PDE2A: variants seen among roughly 807,000 people sequenced by gnomAD.
PDE2A encodes phosphodiesterase 2A.
A neutral mutation model predicts 133.6 loss-of-function variants in PDE2A; 53 were observed. The ratio of observed to expected loss-of-function variants is 0.40; its 90% CI spans 0.32 to 0.50. The LOEUF (loss-of-function observed/expected upper bound fraction) is 0.50, where lower values mean the gene tolerates loss of function less well. Among genes scored for constraint, PDE2A ranks in the 20% least tolerant of loss-of-function variants. The pLI is 0.73. For synonymous variants in PDE2A, 491 were observed against 490.2 expected (o/e 1.00, Z -0.02); for missense variants, 796 against 1,232.4 (o/e 0.65, Z 5.30).
chr11:72,610,949 T>C (rs1383392750), intron 2 of PDE2A, among the ~76,000 whole-genome samples: 1 of 152,190 alleles, frequency 6.6e-6, no homozygotes, highest in Non-Finnish European at 1.5e-5. Flanking sequence ...TTCTGAAGAC[T>C]AAAAAGGGGA....
At position 72,586,127 on chromosome 11, in the gene PDE2A, G is replaced by C. The variant is rs764742125; in HGVS notation, c.1125C>G (p.Thr375=). ...GGAAGGCCAGGGTGCTGGTGAGCAC[G>C]GTGCTGGTGTAGTGGAAGCAGTGCT... is the stretch of plus-strand genomic sequence containing the variant. ...VIQHCFHYTS[T]VLTSTLAFQK... Residue 375 remains threonine (T), a synonymous_variant, in exon 14 of 31, where the codon ACC becomes ACG. Coordinates refer to ENST00000334456, the MANE Select transcript of PDE2A (RefSeq NM_002599.5). 11 of 1,613,100 alleles carry C rather than the reference G, an allele frequency of 6.8e-6. No individual in the cohort carries two copies. The South Asian group carries it at 1.2e-4, about 18-fold the overall frequency.
intron 2 of PDE2A, among the ~76,000 whole-genome samples, chr11:72,615,663 C>T (rs1857433520): frequency 6.6e-6 from 1 of 152,092 alleles, no homozygotes; most frequent in African/African-American, 2.4e-5. Context: ...TTCTGCTGCC[C>T]ACATTCTCCT....
At chr11:72,658,220 G>A (rs1854952666) in intron 1 of PDE2A, 2 of 430,244 alleles carry the variant, frequency 4.6e-6, no homozygotes, top group Non-Finnish European at 9.4e-6. Flanking sequence ...GGTGGGTGAG[G>A]GTTCTGGTCT....
At chr11:72,640,452 C>A (rs1429283389) in intron 2 of PDE2A, among the ~76,000 whole-genome samples, 1 of 152,052 alleles carries the variant, frequency 6.6e-6, no homozygotes, top group Admixed American at 6.6e-5. Context: ...TGTCAACTGG[C>A]TCCTCACCTC....
chr11:72,590,189 C>T lies in PDE2A; in HGVS notation c.756+3G>A. On this transcript the variant is annotated splice_donor_region_variant and intron_variant, in intron 9 of 30. Coordinates refer to ENST00000334456, the MANE Select transcript of PDE2A (RefSeq NM_002599.5). The surrounding 1 kb of genome is among the most constrained non-coding windows in gnomAD (Gnocchi z 4.8). The stretch of plus-strand genomic sequence containing the variant: ...GGTGGCCGGCAGGGGCGCAGGGACT[C>T]ACGTATTGGAGCACTTTGAGCTGCA... The T allele has an allele frequency of 1.3e-6, 2 of 1,549,626 alleles. No homozygotes were observed. The highest frequency in any genetic ancestry group is 1.7e-4 in the Middle Eastern group (1 of 5,974).
Position 72,590,688 on chromosome 11 carries a change from G to A in PDE2A, c.550-108C>T. ...CCGTTCCCTCTGCCTGCCGGGCCCAGGGACCCCGCCGCCGTCCCAAACACC... is the reference window on the plus strand; with the variant it reads ...CCGTTCCCTCTGCCTGCCGGGCCCAAGGACCCCGCCGCCGTCCCAAACACC... On this transcript the variant is annotated intron_variant, in intron 7 of 30. Coordinates refer to ENST00000334456, the MANE Select transcript of PDE2A (RefSeq NM_002599.5). The surrounding 1 kb of genome is among the most constrained non-coding windows in gnomAD (Gnocchi z 4.8). 3 of 1,075,928 alleles carry A rather than the reference G, an allele frequency of 2.8e-6. No individual in the cohort carries two copies. The highest frequency in any genetic ancestry group is 3.7e-6 in the Non-Finnish European group (3 of 812,818). The allele number at this position is 1,075,928 out of a possible 1,614,324, so 66.6% of individuals were successfully genotyped here. A position where few individuals can be genotyped will look rare whatever the true frequency, so the allele number is the denominator to read the frequency against.
Position 72,661,785 on chromosome 11 carries a change from C to A in PDE2A, c.71+12352G>T, listed in dbSNP as rs1312710400. Among the ~76,000 whole-genome samples, 4 of 152,232 alleles carry A rather than the reference C, an allele frequency of 2.6e-5. No homozygotes were observed. The East Asian group carries it at 7.7e-4, about 29-fold the overall frequency. ...TGTATACTTCAAGTGCAAGTGCTTCCCTGCGATGCGCCACACATGTGCTGA... is the reference window on the plus strand; with the variant it reads ...TGTATACTTCAAGTGCAAGTGCTTCACTGCGATGCGCCACACATGTGCTGA... On this transcript the variant is annotated intron_variant, in intron 1 of 30. Transcript: ENST00000334456.
chr11:72,583,395 C>G, intron 20 of PDE2A, 43 bp downstream of exon 20: 2 of 1,382,256 alleles, frequency 1.4e-6, no homozygotes, highest in Middle Eastern at 4.2e-4. Flanking sequence ...CCTGGGTCCC[C>G]GGGGAATCTG....
intron 5 of PDE2A, among the ~76,000 whole-genome samples, chr11:72,596,940 T>C (rs1591043769): frequency 6.6e-6 from 1 of 151,708 alleles, no homozygotes; most frequent in African/African-American, 2.4e-5. Context: ...ATTTTACAGA[T>C]TGGGAAACTG....
At position 72,591,208 on chromosome 11, in the gene PDE2A, G is replaced by A. The variant is rs1856232201; in HGVS notation, c.549+89C>T. 1.1e-5 allele frequency: 12 copies of A among 1,089,734 alleles called. 1 individual carries two copies. The South Asian group carries it at 1.5e-4, about 14-fold the overall frequency. 67.5% of individuals were successfully genotyped at this position (1,089,734 alleles called of 1,614,324 possible). On this transcript the variant is annotated intron_variant, in intron 7 of 30. Coordinates refer to ENST00000334456, the MANE Select transcript of PDE2A (RefSeq NM_002599.5). The stretch of plus-strand genomic sequence containing the variant: ...GCAGCAAAGCCGAAGCTGAAACCCA[G>A]GTCTGTCCAGCTCCCTGGCCAGGCC...
In PDE2A at chr11:72,580,982, G is replaced by C. The variant is rs374919469; in HGVS notation, c.2046-9C>G. The C allele has an allele frequency of 6.3e-7, 1 of 1,595,818 alleles. No individual in the cohort carries two copies. Among genetic ancestry groups the C allele is most frequent in the African/African-American group, 1.3e-5 (1 of 74,534 alleles). On this transcript the variant is annotated splice_polypyrimidine_tract_variant and intron_variant, in intron 23 of 30. Transcript: ENST00000334456. Reference sequence around the variant, plus strand: ...CAAAGATCTCGATGTCCCTGGTTGAGAGGCAGAAAGGAGAAAAAAAAGAGG... The same window carrying C: ...CAAAGATCTCGATGTCCCTGGTTGACAGGCAGAAAGGAGAAAAAAAAGAGG...
At chr11:72,634,243 G>C (rs1858569282) in intron 2 of PDE2A, among the ~76,000 whole-genome samples, 3 of 152,138 alleles carry the variant, frequency 2.0e-5, no homozygotes, top group Admixed American at 1.3e-4. Context: ...GCTGGGGAGG[G>C]GCTCCCTGCC....
intron 6 of PDE2A, among the ~76,000 whole-genome samples, chr11:72,595,778 C>A (rs931820003): frequency 2.0e-5 from 3 of 152,090 alleles, no homozygotes; most frequent in Non-Finnish European, 2.9e-5. Flanking sequence ...TAGGATAGAA[C>A]GAGTTTGAAC....
At chr11:72,653,465 G>T (rs1854803164) in intron 1 of PDE2A, among the ~76,000 whole-genome samples, 1 of 152,160 alleles carries the variant, frequency 6.6e-6, no homozygotes, top group Non-Finnish European at 1.5e-5. Context: ...TCCCAGCGAG[G>T]CTCCACTCCC....
rs1215651324 is a variant in PDE2A, at chr11:72,590,235, T to C, written c.713A>G (p.Tyr238Cys). ...RKILQLCGEL[Y>C]DLDASSLQLK... Reference sequence around the variant, plus strand: ...CTGCAGGGAAGAGGCATCCAGGTCGTAGAGTTCCCCTGCAAGGGCCAGGCG... The same window carrying C: ...CTGCAGGGAAGAGGCATCCAGGTCGCAGAGTTCCCCTGCAAGGGCCAGGCG... The change falls in exon 9 of 31, where the codon TAC (tyrosine) becomes TGC (cysteine). Residue 238 changes from tyrosine (Y) to cysteine (C), a missense_variant. Physicochemically the swap from Tyr to Cys is radical, Grantham distance 194. Around this residue, in one of 7 missense-constraint regions of PDE2A, gnomAD observed 417 missense variants for 475.3 expected, o/e 0.88. Transcript: ENST00000334456. The surrounding 1 kb of genome is among the most constrained non-coding windows in gnomAD (Gnocchi z 4.8). 4 of 1,551,598 alleles carry C rather than the reference T, an allele frequency of 2.6e-6. No homozygotes were observed. The highest frequency in any genetic ancestry group is 4.9e-5 in the East Asian group (2 of 40,966).
rs1444614591 is a variant in PDE2A, at chr11:72,590,401, G to A, written c.703+26C>T. On this transcript the variant is annotated intron_variant, in intron 8 of 30. Transcript: ENST00000334456. This position sits in a 1 kb window ranked among gnomAD's most constrained non-coding sequence, Gnocchi z 4.8. The stretch of plus-strand genomic sequence containing the variant: ...CCAAGTTCTGCCCGGCCCCGCCCTC[G>A]TGACCTGTCCAGGCCGGGCCCTCAC... 3.1e-6 allele frequency: 5 copies of A among 1,587,830 alleles called. No individual in the cohort carries two copies. The Admixed American group carries it at 7.1e-5, about 22-fold the overall frequency.
Position 72,582,889 on chromosome 11 carries a change from C to T in PDE2A, c.1729-323G>A, listed in dbSNP as rs147890425. Among the ~76,000 whole-genome samples, 536 of 152,328 alleles carry T rather than the reference C, an allele frequency of 3.5e-3. 3 individuals carry two copies. The highest frequency in any genetic ancestry group is 0.014 in the South Asian group (69 of 4,832). Reference sequence around the variant, plus strand: ...TGTAGCAGTCCTCCTTTTGTGGAGACCTTTCTACTCTCTAACCTTAACTCT... The same window carrying T: ...TGTAGCAGTCCTCCTTTTGTGGAGATCTTTCTACTCTCTAACCTTAACTCT... On this transcript the variant is annotated intron_variant, in intron 20 of 30. Transcript: ENST00000334456.
At chr11:72,626,385 C>T (rs550273718) in intron 2 of PDE2A, among the ~76,000 whole-genome samples, 1 of 152,224 alleles carries the variant, frequency 6.6e-6, no homozygotes, top group African/African-American at 2.4e-5. Flanking sequence ...CCTCAGGACC[C>T]CCATGGATGC....
chr11:72,659,152 G>T (rs1265299851), intron 1 of PDE2A, among the ~76,000 whole-genome samples: 1 of 151,528 alleles, frequency 6.6e-6, no homozygotes, highest in Non-Finnish European at 1.5e-5. Context: ...GCAAAGGCAG[G>T]AGTCACACCC....
Sources: gnomAD v4.1 joint callset for allele counts (sites outside exome capture counted in the v4.1 genomes callset) on GRCh38, gnomAD v4.1.1 for gene constraint, gnomAD v4.1.1 regional missense constraint, Gnocchi (gnomAD v3.1) non-coding constraint, MANE v1.5 for transcripts, NCBI Gene and HGNC (gene_info 2026-07-23, HGNC 2026-07-21) for gene names.